The following DAB1 variants were observed in gnomAD, a reference collection of about 807,000 sequenced individuals.
DAB1 encodes the protein disabled homolog 1.
In DAB1, 15 loss-of-function variants were observed where a neutral mutation model predicts 64.6. The observed-to-expected ratio is 0.23, with a 90% CI of 0.16 to 0.36. The LOEUF (loss-of-function observed/expected upper bound fraction) is 0.36. DAB1 is among the 10% of genes least tolerant of loss of function. The pLI is 1.00. For missense variants in DAB1, 596 were observed against 706.7 expected (o/e 0.84, Z 1.78); for synonymous variants, 235 against 251.9 (o/e 0.93, Z 0.64).
intron 4 of DAB1, among the ~76,000 whole-genome samples, chr1:58,189,662 T>C (rs1657279372): frequency 6.6e-6 from 1 of 152,242 alleles, no homozygotes; most frequent in Non-Finnish European, 1.5e-5. Context: ...GTCACACCAA[T>C]GGCCTGTGCC....
intron 3 of DAB1, among the ~76,000 whole-genome samples, chr1:58,399,468 T>C (rs1015511410): frequency 1.3e-5 from 2 of 152,134 alleles, no homozygotes; most frequent in African/African-American, 2.4e-5. Flanking sequence ...GTGCCAAAGA[T>C]AGGGAAAGTG....
At chr1:57,388,529 G>C (rs1047910366) in intron 1 of DAB1, among the ~76,000 whole-genome samples, 1 of 152,054 alleles carries the variant, frequency 6.6e-6, no homozygotes, top group African/African-American at 2.4e-5. Flanking sequence ...CCTGCCCCCA[G>C]CTTCATCACA....
At chr1:57,660,529 C>T (rs545196257) in intron 6 of DAB1, among the ~76,000 whole-genome samples, 9 of 152,154 alleles carry the variant, frequency 5.9e-5, no homozygotes, top group Non-Finnish European at 1.3e-4. Flanking sequence ...GTAGTGCAGG[C>T]AAGATGGAGA....
intron 7 of DAB1, among the ~76,000 whole-genome samples, chr1:57,532,258 G>GT (rs5774347): frequency 0.71 from 107,432 of 151,742 alleles, 38,325 homozygotes; most frequent in South Asian, 0.8. Flanking sequence ...GATTCTCAAA[G>GT]TAAGTATTAC....
At chr1:57,491,404 G>A (rs1182120622) in intron 7 of DAB1, among the ~76,000 whole-genome samples, 1 of 151,750 alleles carries the variant, frequency 6.6e-6, no homozygotes, top group Non-Finnish European at 1.5e-5. Flanking sequence ...CTCTAGCCTG[G>A]GTGACAGAGC....
At chr1:57,914,892 C>T (rs1644703088) in intron 5 of DAB1, among the ~76,000 whole-genome samples, 1 of 152,122 alleles carries the variant, frequency 6.6e-6, no homozygotes, top group African/African-American at 2.4e-5. Flanking sequence ...CCAGAATTTT[C>T]ATAAGTTCTT....
At chr1:57,778,497 T>A (rs1173055556) in intron 6 of DAB1, among the ~76,000 whole-genome samples, 1 of 151,992 alleles carries the variant, frequency 6.6e-6, no homozygotes, top group Non-Finnish European at 1.5e-5. Context: ...GTGTTCAGTG[T>A]CTTATATTAG....
intron 6 of DAB1, among the ~76,000 whole-genome samples, chr1:57,779,359 A>T (rs1333477150): frequency 6.6e-6 from 1 of 152,182 alleles, no homozygotes; most frequent in Non-Finnish European, 1.5e-5. Context: ...GAAGGATGGC[A>T]TCAGTGGTAC....
intron 2 of DAB1, among the ~76,000 whole-genome samples, chr1:57,160,661 G>A (rs1660659199): frequency 6.6e-6 from 1 of 152,222 alleles, no homozygotes; most frequent in Non-Finnish European, 1.5e-5. Flanking sequence ...CAAAGGTGAA[G>A]AGGACCAGGG....
intron 2 of DAB1, among the ~76,000 whole-genome samples, chr1:58,516,454 G>A (rs1380957615): frequency 6.6e-6 from 1 of 152,130 alleles, no homozygotes; most frequent in Non-Finnish European, 1.5e-5. Context: ...TGAACAGCTT[G>A]TTATTCTATG....
chr1:57,567,730 G>T (rs1331472470), intron 7 of DAB1, among the ~76,000 whole-genome samples: 1 of 152,138 alleles, frequency 6.6e-6, no homozygotes, highest in Non-Finnish European at 1.5e-5. Flanking sequence ...GGATGTGAAG[G>T]ACCTCTTCAA....
At chr1:58,126,980 G>A (rs1653148454) in intron 5 of DAB1, among the ~76,000 whole-genome samples, 1 of 149,434 alleles carries the variant, frequency 6.7e-6, no homozygotes, top group South Asian at 2.2e-4. Flanking sequence ...ACCCAGTAAT[G>A]GGATGGCTGG....
chr1:58,120,781 G>T lies in DAB1; in HGVS notation n.387+29730C>A, dbSNP rs533710563. On this transcript the variant is annotated intron_variant and non_coding_transcript_variant, in intron 5 of 20. Transcript: ENST00000485760. ...ATCTAAAATGACGTAGCCCTCACCT[G>T]CGGCCACATCAAAACATAAGTGAGA... is the stretch of plus-strand genomic sequence containing the variant. Among the ~76,000 whole-genome samples, 13 of 152,280 alleles carry T rather than the reference G, an allele frequency of 8.5e-5. No homozygotes were observed. In the South Asian group the frequency reaches 2.7e-3, roughly 32 times the overall value.
At chr1:57,241,648 C>T (rs1035662023) in intron 2 of DAB1, among the ~76,000 whole-genome samples, 1 of 152,200 alleles carries the variant, frequency 6.6e-6, no homozygotes, top group Non-Finnish European at 1.5e-5. Context: ...CATTGCTCCT[C>T]ATCTGGAATG....
intron 5 of DAB1, among the ~76,000 whole-genome samples, chr1:58,121,701 A>G (rs1478201850): frequency 6.6e-6 from 1 of 152,192 alleles, no homozygotes; most frequent in Non-Finnish European, 1.5e-5. Context: ...GTTCTCTGTT[A>G]GTGAAACACA....
chr1:58,025,635 TTATATATATATGTGTG>T (rs1646878871), intron 5 of DAB1, among the ~76,000 whole-genome samples: 1 of 118,814 alleles, frequency 8.4e-6, no homozygotes, highest in African/African-American at 3.2e-5. Flanking sequence ...AAATATAATA[TTATATATATATGTGTG>T]TATATATATA....
intron 1 of DAB1, among the ~76,000 whole-genome samples, chr1:57,841,460 A>G (rs796727180): frequency 7.6e-4 from 116 of 152,248 alleles, no homozygotes; most frequent in African/African-American, 2.5e-3. Flanking sequence ...TCCCCTCTGC[A>G]TTACCCTAGT....
chr1:57,963,927 T>A (rs1461798265), intron 5 of DAB1, among the ~76,000 whole-genome samples: 2 of 152,114 alleles, frequency 1.3e-5, no homozygotes, highest in Admixed American at 1.3e-4. Context: ...AGAAAGAACA[T>A]ATAATTTTGT....
At chr1:57,603,388 A>G (rs891048542) in intron 7 of DAB1, among the ~76,000 whole-genome samples, 1 of 152,168 alleles carries the variant, frequency 6.6e-6, no homozygotes, top group African/African-American at 2.4e-5. Flanking sequence ...TATAGCCCGG[A>G]AGAGACAACT....
Sources: allele counts gnomAD v4.1 joint callset (sites outside exome capture counted in the v4.1 genomes callset), GRCh38; gene constraint gnomAD v4.1.1; transcripts MANE v1.5; gene names NCBI Gene and HGNC (gene_info 2026-07-23, HGNC 2026-07-21).